LRP3: variants seen among roughly 807,000 people sequenced by gnomAD.
The protein encoded by LRP3 is LDL receptor related protein 3.
Under a neutral mutation model 58.5 loss-of-function variants are expected in LRP3, and 49 were observed. The observed-to-expected ratio is 0.84, with a 90% CI of 0.67 to 1.06. LRP3 has a LOEUF of 1.06. Among genes scored for constraint, LRP3 ranks in the 50% least tolerant of loss-of-function variants. The probability of loss-of-function intolerance (pLI) is 0.00; values close to 1 mark genes in which losing one functional copy is unlikely to be tolerated. For synonymous variants in LRP3, 485 were observed against 492.2 expected (o/e 0.99, Z 0.20); for missense variants, 1,019 against 1,134.2 (o/e 0.90, Z 1.46).
Position 33,205,620 on chromosome 19 carries a change from T to G in LRP3, c.850T>G (p.Trp284Gly), listed in dbSNP as rs1974395417. Residue 284 changes from tryptophan to glycine, a missense_variant, in exon 5 of 7, where the codon TGG (tryptophan) becomes GGG (glycine). This residue lies in a region of LRP3 where 592 missense variants were observed against 725.5 expected (regional missense o/e 0.82). Transcript: ENST00000253193. ...CGGGCCCTCAGACCTTCACTGCACG[T>G]GGCTGGTGGACACACAGGACTCCCG... ...ARGPSDLHCT[W>G]LVDTQDSRRV... 1 of 1,611,272 alleles carries G rather than the reference T, an allele frequency of 6.2e-7. No individual in the cohort carries two copies. Among genetic ancestry groups the G allele is most frequent in the Non-Finnish European group, 8.5e-7 (1 of 1,179,428 alleles).
At position 33,204,421 on chromosome 19, in the gene LRP3, T is replaced by C. The variant is rs537330754; in HGVS notation, c.261-217T>C. 128 of 582,848 alleles carry C rather than the reference T, an allele frequency of 2.2e-4. 2 individuals carry two copies. The South Asian group carries it at 2.7e-3, about 12-fold the overall frequency. The allele number at this position is 582,848 out of a possible 1,614,324, so 36.1% of individuals were successfully genotyped here. A position where few individuals can be genotyped will look rare whatever the true frequency, so the allele number is the denominator to read the frequency against. ...CCTGCGTGGATGTCGCAATTCTTCA[T>C]GGAGCCTCCCGTGCACACCTGGATG... On this transcript the variant is annotated intron_variant, in intron 3 of 6. Transcript: ENST00000253193.
intron 2 of LRP3, among the ~76,000 whole-genome samples, chr19:33,197,042 G>C (rs752226475): frequency 6.6e-6 from 1 of 152,198 alleles, no homozygotes. Flanking sequence ...TCTTAGTGTG[G>C]TGCCTGGCAC....
Position 33,205,797 on chromosome 19 carries a change from C to T in LRP3, c.1027C>T (p.Leu343Phe). ...GAGCCTGGAGGCCGCCCAGGGCCGC[C>T]TCACTGTGGCCTACCACGCGCGCGC... ...PVSLEAAQGRLTVAYHARARS... is the reference protein window; with the variant it reads ...PVSLEAAQGRFTVAYHARARS... Residue 343 changes from leucine (L) to phenylalanine (F), a missense_variant, in exon 5 of 7, where the codon CTC becomes TTC. This residue lies in a region of LRP3 where 592 missense variants were observed against 725.5 expected (regional missense o/e 0.82). Coordinates refer to ENST00000253193, the MANE Select transcript of LRP3 (RefSeq NM_002333.4). 1 of 1,586,672 alleles carries T rather than the reference C, an allele frequency of 6.3e-7. No individual in the cohort carries two copies. Among genetic ancestry groups the T allele is most frequent in the Non-Finnish European group, 8.6e-7 (1 of 1,168,574 alleles).
chr19:33,201,042 C>G (rs1039217776), intron 2 of LRP3, among the ~76,000 whole-genome samples: 1 of 152,232 alleles, frequency 6.6e-6, no homozygotes, highest in Admixed American at 6.5e-5. Context: ...GCTCATGGCT[C>G]CAGCTGCCCA....
At chr19:33,201,335 G>T (rs1974339094) in intron 2 of LRP3, among the ~76,000 whole-genome samples, 1 of 152,196 alleles carries the variant, frequency 6.6e-6, no homozygotes, top group Non-Finnish European at 1.5e-5. Context: ...TAAGAAGGTG[G>T]GGATAGCACC....
rs372361190 is a variant in LRP3, at chr19:33,205,349, C to T, written c.579C>T (p.Asp193=). 1.2e-4 allele frequency: 192 copies of T among 1,609,344 alleles called. No homozygotes were observed. The Admixed American group carries it at 1.2e-3, about 10-fold the overall frequency. ...WQCNTVDECG[D]GSDEGNCSAP... ...GCAACACGGTGGACGAGTGTGGAGA[C>T]GGCTCTGATGAGGGCAACTGCTCGG... Residue 193 remains aspartate (D), a synonymous_variant, in exon 5 of 7, where the codon GAC becomes GAT. Coordinates refer to ENST00000253193, the MANE Select transcript of LRP3 (RefSeq NM_002333.4).
In LRP3 at chr19:33,194,376, G is replaced by A. The variant is rs1974261484; in HGVS notation, c.-410G>A. ...CCGGCGGCACCCGGCCGGGCGGGCT[G>A]GGCGCAGCGCGGGGCGGCCCGGGGA... On this transcript the variant is annotated 5_prime_UTR_variant, in exon 1 of 7. Coordinates refer to ENST00000253193, the MANE Select transcript of LRP3 (RefSeq NM_002333.4). Among the ~76,000 whole-genome samples the A allele has an allele frequency of 6.9e-6, 1 of 145,542 alleles. No individual in the cohort carries two copies. The highest frequency in any genetic ancestry group is 2.5e-5 in the African/African-American group (1 of 40,686).
intron 5 of LRP3, 115 bp from the exon 6 acceptor site, chr19:33,206,486 T>C: frequency 2.5e-6 from 4 of 1,592,356 alleles, no homozygotes; most frequent in Non-Finnish European, 3.4e-6. Flanking sequence ...TGGTGCACAC[T>C]GGGGTCCCTA....
rs761412965 is a variant in LRP3, at chr19:33,205,314, C to T, written c.544C>T (p.Pro182Ser). ...TGACAACGGCAAGTGCCTGCCCGGC[C>T]CGTGGCAGTGCAACACGGTGGACGA... is the stretch of plus-strand genomic sequence containing the variant. ...RCDNGKCLPG[P>S]WQCNTVDECG... Residue 182 changes from proline (P) to serine (S), a missense_variant, in exon 5 of 7, where the codon CCG becomes TCG. Transcript: ENST00000253193. 1 of 1,612,106 alleles carries T rather than the reference C, an allele frequency of 6.2e-7. No individual in the cohort carries two copies. The highest frequency in any genetic ancestry group is 8.5e-7 in the Non-Finnish European group (1 of 1,179,620).
At position 33,194,687 on chromosome 19, in the gene LRP3, G is replaced by T. The variant is rs1599930710; in HGVS notation, c.-99G>T. On this transcript the variant is annotated 5_prime_UTR_variant, in exon 1 of 7. Coordinates refer to ENST00000253193, the MANE Select transcript of LRP3 (RefSeq NM_002333.4). ...GGAGCCCGAGCCCTAGCCCGAGCCCGAGCCCGAGCCGCAGCCAGAGCCAGA... is the reference window on the plus strand; with the variant it reads ...GGAGCCCGAGCCCTAGCCCGAGCCCTAGCCCGAGCCGCAGCCAGAGCCAGA... The T allele has an allele frequency of 6.5e-6, 2 of 307,388 alleles. No individual in the cohort carries two copies. The highest frequency in any genetic ancestry group is 9.5e-6 in the Non-Finnish European group (2 of 210,722). 19.0% of individuals were successfully genotyped at this position (307,388 alleles called of 1,614,324 possible).
At position 33,206,581 on chromosome 19, in the gene LRP3, C is replaced by T. The variant is rs768627948; in HGVS notation, c.1593-20C>T. On this transcript the variant is annotated intron_variant, in intron 5 of 6. Transcript: ENST00000253193. ...GTCCCGGGCAGCCCAGTCATGTCGC[C>T]CTCCGCCCACTGCTTCTAGGGCCTT... 3 of 1,604,320 alleles carry T rather than the reference C, an allele frequency of 1.9e-6. No individual in the cohort carries two copies. The highest frequency in any genetic ancestry group is 2.6e-6 in the Non-Finnish European group (3 of 1,174,896).
chr19:33,207,755 G>GC lies in LRP3; in HGVS notation c.*180_*181insC, dbSNP rs1037783078. The GC allele has an allele frequency of 6.3e-5, 38 of 598,876 alleles. No individual in the cohort carries two copies. Among genetic ancestry groups the GC allele is most frequent in the African/African-American group, 9.3e-5 (5 of 53,624 alleles). 37.1% of individuals were successfully genotyped at this position (598,876 alleles called of 1,614,324 possible). Reference sequence around the variant, plus strand: ...CGGGAGCTGTGGGACTGAACGGCGGGGGGGAGAAGAGTGGAGTGGTGAGCC... The same window carrying GC: ...CGGGAGCTGTGGGACTGAACGGCGGGCGGGGAGAAGAGTGGAGTGGTGAGCC... On this transcript the variant is annotated 3_prime_UTR_variant, in exon 7 of 7. Coordinates refer to ENST00000253193, the MANE Select transcript of LRP3 (RefSeq NM_002333.4).
rs772446782 is a variant in LRP3 at position 33,202,998 on chromosome 19, C to A, written c.260+12C>A. ...ATGATTACCATCAGGTAGGGGCACC[C>A]GGGGGTGTCGGAAGGAATCAATGTG... On this transcript the variant is annotated intron_variant, in intron 3 of 6. Coordinates refer to ENST00000253193, the MANE Select transcript of LRP3 (RefSeq NM_002333.4). 8 of 1,611,064 alleles carry A rather than the reference C, an allele frequency of 5.0e-6. No homozygotes were observed. Among genetic ancestry groups the A allele is most frequent in the Non-Finnish European group, 6.8e-6 (8 of 1,178,490 alleles).
chr19:33,208,465 C>T lies in LRP3; in HGVS notation c.*890C>T, dbSNP rs1051832501. 3 of 262,910 alleles carry T rather than the reference C, an allele frequency of 1.1e-5. No individual in the cohort carries two copies. Among genetic ancestry groups the T allele is most frequent in the Non-Finnish European group, 2.2e-5 (3 of 135,020 alleles). 16.3% of individuals were successfully genotyped at this position (262,910 alleles called of 1,614,324 possible). On this transcript the variant is annotated 3_prime_UTR_variant, in exon 7 of 7. Coordinates refer to ENST00000253193, the MANE Select transcript of LRP3 (RefSeq NM_002333.4). This position sits in a 1 kb window ranked among gnomAD's most constrained non-coding sequence, Gnocchi z 4.7. ...GGGCGGACTGAGCTGCTACCCCATCCTCGACATCCCTTTAGGGCAGGGGGA... is the reference window on the plus strand; with the variant it reads ...GGGCGGACTGAGCTGCTACCCCATCTTCGACATCCCTTTAGGGCAGGGGGA...
In LRP3 at chr19:33,205,424, A is replaced by G. The variant is rs781126390; in HGVS notation, c.654A>G (p.Pro218=). 1 of 1,593,194 alleles carries G rather than the reference A, an allele frequency of 6.3e-7. No individual in the cohort carries two copies. The highest frequency in any genetic ancestry group is 1.1e-5 in the South Asian group (1 of 89,434). The change falls in exon 5 of 7, where the codon CCA becomes CCG. Residue 218 remains proline (P), a synonymous_variant. Transcript: ENST00000253193. ...GCCTGTGCCCCGGGGGGACCTTCCC[A>G]TGCAGCGGGGCGCGCTCCACGCGCT... is the stretch of plus-strand genomic sequence containing the variant. The part of the protein sequence containing the change: ...PGSLCPGGTF[P]CSGARSTRCL...
chr19:33,196,001 A>AC (rs1225742034), intron 1 of LRP3, among the ~76,000 whole-genome samples: 1 of 148,724 alleles, frequency 6.7e-6, no homozygotes, highest in Non-Finnish European at 1.5e-5. Context: ...GTTTCCCCCC[A>AC]CCCCCCGACT....
chr19:33,205,315 C>T lies in LRP3; in HGVS notation c.545C>T (p.Pro182Leu), dbSNP rs199999241. 8.2e-5 allele frequency: 132 copies of T among 1,612,026 alleles called. No individual in the cohort carries two copies. The highest frequency in any genetic ancestry group is 3.1e-4 in the South Asian group (28 of 90,726). Reference sequence around the variant, plus strand: ...GACAACGGCAAGTGCCTGCCCGGCCCGTGGCAGTGCAACACGGTGGACGAG... The same window carrying T: ...GACAACGGCAAGTGCCTGCCCGGCCTGTGGCAGTGCAACACGGTGGACGAG... ...RCDNGKCLPG[P>L]WQCNTVDECG... The change falls in exon 5 of 7, where the codon CCG becomes CTG. Residue 182 changes from proline to leucine, a missense_variant. Around this residue, in one of 2 missense-constraint regions of LRP3, gnomAD observed 592 missense variants for 725.5 expected, o/e 0.82. Coordinates refer to ENST00000253193, the MANE Select transcript of LRP3 (RefSeq NM_002333.4).
chr19:33,206,424 G>T (rs750651183), intron 5 of LRP3, 62 bp downstream of exon 5: 1 of 1,596,864 alleles, frequency 6.3e-7, no homozygotes, highest in Admixed American at 1.7e-5. Flanking sequence ...TGCTGTCCCC[G>T]TAGCTGTGGG....
Position 33,207,745 on chromosome 19 carries a change from T to C in LRP3, c.*170T>C. ...CACTGGTGGGCGGGAGCTGTGGGAC[T>C]GAACGGCGGGGGGGAGAAGAGTGGA... is the stretch of plus-strand genomic sequence containing the variant. On this transcript the variant is annotated 3_prime_UTR_variant, in exon 7 of 7. Coordinates refer to ENST00000253193, the MANE Select transcript of LRP3 (RefSeq NM_002333.4). 2.0e-6 allele frequency: 1 copy of C among 512,474 alleles called. No individual in the cohort carries two copies. Among genetic ancestry groups the C allele is most frequent in the Non-Finnish European group, 3.4e-6 (1 of 291,214 alleles). 31.7% of individuals were successfully genotyped at this position (512,474 alleles called of 1,614,324 possible).
Sources: allele counts gnomAD v4.1 joint callset (sites outside exome capture counted in the v4.1 genomes callset), GRCh38; gene constraint gnomAD v4.1.1; regional missense constraint gnomAD v4.1.1; non-coding constraint Gnocchi (gnomAD v3.1); transcripts MANE v1.5; gene names NCBI Gene and HGNC (gene_info 2026-07-23, HGNC 2026-07-21).